The following HIVEP3 variants were observed in gnomAD, a reference collection of about 807,000 sequenced individuals.
The protein encoded by HIVEP3 is transcription factor HIVEP3.
In HIVEP3, 49 loss-of-function variants were observed where a neutral mutation model predicts 152.8. The observed-to-expected ratio is 0.32, with a 90% CI of 0.26 to 0.41. HIVEP3 has a LOEUF of 0.41. Among genes scored for constraint, HIVEP3 ranks in the 10% least tolerant of loss-of-function variants. The probability of loss-of-function intolerance (pLI) is 1.00; values close to 1 mark genes in which losing one functional copy is unlikely to be tolerated. For missense variants in HIVEP3, 2,790 were observed against 3,103.3 expected (o/e 0.90, Z 2.40); for synonymous variants, 1,269 against 1,289.0 (o/e 0.98, Z 0.33).
At chr1:42,027,665 A>G (rs1403896880) in intron 1 of HIVEP3, among the ~76,000 whole-genome samples, 2 of 152,200 alleles carry the variant, frequency 1.3e-5, no homozygotes, top group Non-Finnish European at 2.9e-5. Context: ...GCCGATAAAG[A>G]CATACCCGAA....
intron 1 of HIVEP3, among the ~76,000 whole-genome samples, chr1:41,711,697 C>T (rs1193090675): frequency 6.6e-6 from 1 of 152,190 alleles, no homozygotes; most frequent in Non-Finnish European, 1.5e-5. Context: ...TCCTGCTACC[C>T]CTTGGAGCTG....
At chr1:41,665,313 C>T (rs751540991) in intron 2 of HIVEP3, among the ~76,000 whole-genome samples, 8 of 152,174 alleles carry the variant, frequency 5.3e-5, no homozygotes, top group Admixed American at 2.6e-4. Context: ...ACCTTTCCCA[C>T]CATGTATCTG....
chr1:41,816,200 C>A (rs1230905403), intron 1 of HIVEP3, among the ~76,000 whole-genome samples: 1 of 152,168 alleles, frequency 6.6e-6, no homozygotes, highest in African/African-American at 2.4e-5. Flanking sequence ...ATAAAGATAA[C>A]ATGGAGAACT....
At chr1:41,813,729 A>G (rs1201431418) in intron 1 of HIVEP3, among the ~76,000 whole-genome samples, 3 of 152,212 alleles carry the variant, frequency 2.0e-5, no homozygotes, top group African/African-American at 4.8e-5. Flanking sequence ...TTAAAGGAGA[A>G]GAGCTGGGGA....
intron 1 of HIVEP3, among the ~76,000 whole-genome samples, chr1:41,805,725 G>C (rs1650564433): frequency 6.6e-6 from 1 of 152,240 alleles, no homozygotes; most frequent in Non-Finnish European, 1.5e-5. Context: ...ATGAGAACAA[G>C]AGCCAGAGAG....
chr1:41,859,612 T>C (rs575008846), intron 1 of HIVEP3, among the ~76,000 whole-genome samples: 10 of 152,306 alleles, frequency 6.6e-5, no homozygotes, highest in Admixed American at 4.6e-4. Context: ...AAAGGACATT[T>C]GGGATTTTTA....
chr1:41,659,127 A>G (rs1161078768), intron 2 of HIVEP3, among the ~76,000 whole-genome samples: 1 of 152,236 alleles, frequency 6.6e-6, no homozygotes, highest in East Asian at 1.9e-4. Flanking sequence ...AACTGCAAGT[A>G]TGGCCTCTTC....
chr1:41,922,294 T>C (rs1644945712), upstream of HIVEP3, among the ~76,000 whole-genome samples: 1 of 152,250 alleles, frequency 6.6e-6, no homozygotes, highest in African/African-American at 2.4e-5. Flanking sequence ...ACTTCTCATC[T>C]GTAACACTAT....
At chr1:41,776,541 T>C (rs1459400613) in intron 1 of HIVEP3, among the ~76,000 whole-genome samples, 3 of 152,358 alleles carry the variant, frequency 2.0e-5, no homozygotes, top group Non-Finnish European at 4.4e-5. Flanking sequence ...TTTGTCCTTA[T>C]GCAGGTGAAG....
At chr1:41,719,974 A>AGC (rs1646651832) in intron 1 of HIVEP3, among the ~76,000 whole-genome samples, 1 of 152,220 alleles carries the variant, frequency 6.6e-6, no homozygotes, top group Admixed American at 6.5e-5. Flanking sequence ...CAAGAACAGA[A>AGC]GCTAAGACGG....
At chr1:41,554,319 C>T (rs1643932717) in intron 5 of HIVEP3, among the ~76,000 whole-genome samples, 1 of 152,138 alleles carries the variant, frequency 6.6e-6, no homozygotes, top group Non-Finnish European at 1.5e-5. Context: ...GTTCTTGTGC[C>T]ATGGTTTTCA....
chr1:41,706,809 C>T (rs941307332), intron 1 of HIVEP3, among the ~76,000 whole-genome samples: 1 of 152,176 alleles, frequency 6.6e-6, no homozygotes, highest in African/African-American at 2.4e-5. Flanking sequence ...CTCTACTGTT[C>T]CGCCGATGTT....
chr1:41,648,330 GGCACATTTCATCC>G (rs376300858), intron 2 of HIVEP3, among the ~76,000 whole-genome samples: 1,585 of 152,200 alleles, frequency 0.01, 24 homozygotes, highest in African/African-American at 0.034. Flanking sequence ...AGCATGCATC[GGCACATTTCATCC>G]CTCACCTCCA....
intron 1 of HIVEP3, among the ~76,000 whole-genome samples, chr1:41,794,051 C>T (rs1040418057): frequency 6.6e-6 from 1 of 152,134 alleles, no homozygotes; most frequent in Non-Finnish European, 1.5e-5. Flanking sequence ...GTAAGTAATC[C>T]TGTATTAGTC....
chr1:41,951,538 C>A (rs1454147230), intron 1 of HIVEP3, among the ~76,000 whole-genome samples: 1 of 152,120 alleles, frequency 6.6e-6, no homozygotes, highest in African/African-American at 2.4e-5. Flanking sequence ...TGTAAACTTA[C>A]TATATGTGCA....
At chr1:41,539,282 G>C (rs1643472401) in intron 5 of HIVEP3, among the ~76,000 whole-genome samples, 1 of 152,196 alleles carries the variant, frequency 6.6e-6, no homozygotes. Context: ...TTAAGCTGAA[G>C]TTGTCAACCT....
At chr1:41,974,350 G>A (rs12085467) in intron 1 of HIVEP3, among the ~76,000 whole-genome samples, 2 of 151,654 alleles carry the variant, frequency 1.3e-5, no homozygotes, top group African/African-American at 2.4e-5. Context: ...CTTCCCTCCC[G>A]TTCCTGTCCA....
intron 1 of HIVEP3, among the ~76,000 whole-genome samples, chr1:41,852,213 G>A (rs781158711): frequency 1.4e-4 from 21 of 152,212 alleles, no homozygotes; most frequent in African/African-American, 3.4e-4. Flanking sequence ...TGGGAGCCCC[G>A]GCTCAAGAGC....
chr1:41,690,789 G>C (rs996052651), intron 2 of HIVEP3, among the ~76,000 whole-genome samples: 1 of 152,180 alleles, frequency 6.6e-6, no homozygotes, highest in African/African-American at 2.4e-5. Flanking sequence ...ATGGTGGTGG[G>C]CACCTGTAAT....
Sources: gnomAD v4.1 joint callset for allele counts (sites outside exome capture counted in the v4.1 genomes callset) on GRCh38, gnomAD v4.1.1 for gene constraint, MANE v1.5 for transcripts, NCBI Gene and HGNC (gene_info 2026-07-23, HGNC 2026-07-21) for gene names.